COL21A1: variants seen among roughly 807,000 people sequenced by gnomAD.
COL21A1 encodes the protein collagen type XXI alpha 1 chain.
COL21A1 carries 149 observed loss-of-function variants against 137.9 expected under a neutral mutation model. The ratio of observed to expected loss-of-function variants is 1.08; its 90% confidence interval spans 0.95 to 1.24. COL21A1 has a LOEUF of 1.24. COL21A1 is among the 50% of genes most tolerant of loss of function. The pLI is 0.00. For synonymous variants in COL21A1, 456 were observed against 391.5 expected (o/e 1.16, Z -1.95); for missense variants, 1,167 against 1,158.4 (o/e 1.01, Z -0.11).
At chr6:56,073,386 C>T (rs1562152092) in intron 20 of COL21A1, among the ~76,000 whole-genome samples, 1 of 151,380 alleles carries the variant, frequency 6.6e-6, no homozygotes, top group Non-Finnish European at 1.5e-5. Flanking sequence ...TTATTGGGCT[C>T]CCATGTCTTT....
intron 3 of COL21A1, among the ~76,000 whole-genome samples, chr6:56,176,212 A>T (rs1192835901): frequency 6.6e-6 from 1 of 152,252 alleles, no homozygotes; most frequent in African/African-American, 2.4e-5. Flanking sequence ...CAGCCTCGTA[A>T]TGATTTCTTG....
chr6:56,168,228 C>T lies in COL21A1; in HGVS notation c.1096G>A (p.Asp366Asn). Residue 366 changes from aspartate (D) to asparagine (N), a missense_variant, in exon 6 of 30, where the codon GAT (aspartate) becomes AAT (asparagine). Coordinates refer to ENST00000244728, the MANE Select transcript of COL21A1 (RefSeq NM_030820.4). ...GGCTTGTTTTCAATTTGTTGGTCAT[C>T]AATATACAAAGTCACATCTTGTTCT... ...VTEQDVTLYI[D>N]DQQIENKPLH... 2 of 1,573,510 alleles carry T rather than the reference C, an allele frequency of 1.3e-6. No individual in the cohort carries two copies. The highest frequency in any genetic ancestry group is 1.2e-5 in the South Asian group (1 of 84,004).
In COL21A1 at chr6:56,256,241, A is replaced by G. The variant is rs1345594530; in HGVS notation, c.-38-73585T>C. ...TCCAGCTAGTCTCACTGTGTTCTTT[A>G]CAAATCTGGAAAACTTAATCTGAAG... On this transcript the variant is annotated intron_variant, in intron 1 of 28. Transcript: ENST00000370819. Among the ~76,000 whole-genome samples, 18 of 152,334 alleles carry G rather than the reference A, an allele frequency of 1.2e-4. 1 individual carries two copies. The highest frequency in any genetic ancestry group is 4.3e-4 in the African/African-American group (18 of 41,586).
intron 1 of COL21A1, among the ~76,000 whole-genome samples, chr6:56,383,570 C>A (rs1015835456): frequency 3.3e-5 from 5 of 152,028 alleles, no homozygotes; most frequent in African/African-American, 1.2e-4. Flanking sequence ...GAAACTTTCC[C>A]GGGTTATTCT....
intron 12 of COL21A1, among the ~76,000 whole-genome samples, chr6:56,139,975 T>C (rs963683111): frequency 6.6e-6 from 1 of 152,146 alleles, no homozygotes; most frequent in African/African-American, 2.4e-5. Context: ...AAAAGTCAAG[T>C]AATGAGTTTG....
At chr6:56,119,654 AT>A (rs1358417755) in intron 16 of COL21A1, among the ~76,000 whole-genome samples, 1 of 152,142 alleles carries the variant, frequency 6.6e-6, no homozygotes, top group Non-Finnish European at 1.5e-5. Context: ...CCGACATCAA[AT>A]TATAGTACAG....
chr6:56,171,682 G>A (rs2152273585), intron 3 of COL21A1, among the ~76,000 whole-genome samples: 1 of 151,974 alleles, frequency 6.6e-6, no homozygotes. Context: ...TCATTAGTCT[G>A]TCTCTCTGGA....
chr6:56,384,808 T>C (rs2094014821), intron 1 of COL21A1, among the ~76,000 whole-genome samples: 1 of 152,224 alleles, frequency 6.6e-6, no homozygotes, highest in African/African-American at 2.4e-5. Flanking sequence ...TCTGTACACT[T>C]GTTCATTCAA....
chr6:56,219,143 A>G (rs1326118183), intron 1 of COL21A1, among the ~76,000 whole-genome samples: 1 of 148,498 alleles, frequency 6.7e-6, no homozygotes, highest in Non-Finnish European at 1.5e-5. Flanking sequence ...TATGCAAACA[A>G]CCAGCGACTG....
intron 16 of COL21A1, among the ~76,000 whole-genome samples, chr6:56,118,782 A>T (rs1217221196): frequency 6.6e-6 from 1 of 152,140 alleles, no homozygotes; most frequent in African/African-American, 2.4e-5. Context: ...AAATGTATGC[A>T]AATCAATCAA....
chr6:56,263,181 GA>G (rs1763320764), intron 1 of COL21A1, among the ~76,000 whole-genome samples: 1 of 152,186 alleles, frequency 6.6e-6, no homozygotes, highest in Admixed American at 6.5e-5. Context: ...ATGCTTAATA[GA>G]TACTTGTTGA....
At chr6:56,107,789 A>G (rs922249390) in intron 16 of COL21A1, among the ~76,000 whole-genome samples, 1 of 152,188 alleles carries the variant, frequency 6.6e-6, no homozygotes, top group African/African-American at 2.4e-5. Context: ...AACCTTTATT[A>G]AACCCAAATG....
At chr6:56,242,928 AC>A (rs1782422405) in intron 1 of COL21A1, among the ~76,000 whole-genome samples, 1 of 152,176 alleles carries the variant, frequency 6.6e-6, no homozygotes, top group African/African-American at 2.4e-5. Context: ...CTCTTTGTCA[AC>A]ATTATCTGAT....
intron 1 of COL21A1, among the ~76,000 whole-genome samples, chr6:56,368,402 T>G (rs1392264297): frequency 6.6e-6 from 1 of 152,234 alleles, no homozygotes; most frequent in Non-Finnish European, 1.5e-5. Context: ...AAATGACACT[T>G]CTTTCATAAG....
chr6:56,315,956 A>G (rs1026986859), intron 1 of COL21A1, among the ~76,000 whole-genome samples: 1 of 152,190 alleles, frequency 6.6e-6, no homozygotes, highest in East Asian at 1.9e-4. Flanking sequence ...GTCTATTGAA[A>G]CATCACAGTG....
At chr6:56,135,743 C>G (rs909540325) in intron 12 of COL21A1, among the ~76,000 whole-genome samples, 7 of 152,136 alleles carry the variant, frequency 4.6e-5, no homozygotes, top group Non-Finnish European at 8.8e-5. Context: ...TTGATAAAAA[C>G]AGTCCCTACA....
intron 1 of COL21A1, among the ~76,000 whole-genome samples, chr6:56,270,476 T>A (rs1763500349): frequency 6.6e-6 from 1 of 152,192 alleles, no homozygotes; most frequent in African/African-American, 2.4e-5. Flanking sequence ...ATGGGAGACT[T>A]CTACATCCCA....
rs183941516 is a variant in COL21A1 at position 56,387,762 on chromosome 6, C to A, written c.-39+6209G>T. 2.5e-3 allele frequency among the ~76,000 whole-genome samples: 376 copies of A among 152,282 alleles called. 5 individuals carry two copies. The highest frequency in any genetic ancestry group is 2.4e-4 in the Non-Finnish European group (16 of 68,028). On this transcript the variant is annotated intron_variant, in intron 1 of 28. Coordinates refer to the COL21A1 transcript ENST00000370819. ...AAGCCCTGGACCAGAGGGAAATTAT[C>A]CCCAGCAGAAGTCCTGGCTGGCTCC...
chr6:56,107,735 A>C (rs1252554697), intron 16 of COL21A1, among the ~76,000 whole-genome samples: 1 of 152,142 alleles, frequency 6.6e-6, no homozygotes, highest in African/African-American at 2.4e-5. Flanking sequence ...CTAAAATATC[A>C]AGAATTCAGA....
Sources: allele counts gnomAD v4.1 joint callset (sites outside exome capture counted in the v4.1 genomes callset), GRCh38; gene constraint gnomAD v4.1.1; transcripts MANE v1.5; gene names NCBI Gene and HGNC (gene_info 2026-07-23, HGNC 2026-07-21).